The following PPP6C variants were observed in gnomAD, a reference collection of about 807,000 sequenced individuals.
The protein encoded by PPP6C is protein phosphatase 6 catalytic subunit.
PPP6C carries 11 observed loss-of-function variants against 39.8 expected under a neutral mutation model. The ratio of observed to expected loss-of-function variants is 0.28; its 90% CI spans 0.17 to 0.46. The LOEUF (loss-of-function observed/expected upper bound fraction) is 0.46, where lower values mean the gene tolerates loss of function less well. Among genes scored for constraint, PPP6C ranks in the 20% least tolerant of loss-of-function variants. The pLI, the probability that PPP6C is intolerant of heterozygous loss-of-function variation, is 1.00. For synonymous variants in PPP6C, 129 were observed against 130.3 expected (o/e 0.99, Z 0.07); for missense variants, 211 against 373.9 (o/e 0.56, Z 3.59).
chr9:125,185,596 A>C (rs1829510321), intron 1 of PPP6C, among the ~76,000 whole-genome samples: 1 of 151,244 alleles, frequency 6.6e-6, no homozygotes, highest in South Asian at 2.1e-4. Flanking sequence ...CAGGAGGCTG[A>C]GGCAGGAGAA....
rs368232084 is a variant in PPP6C, at chr9:125,149,542, T to TAA, written c.*129_*130dup. On this transcript the variant is annotated 3_prime_UTR_variant, in exon 7 of 7. Coordinates refer to ENST00000373547, the MANE Select transcript of PPP6C (RefSeq NM_002721.5). ...CAATAAATTTAGATAATTTAAAATT[T>TAA]AAAAAAAAAAAGGCAAGAGGCAGCA... 55 of 902,074 alleles carry TAA rather than the reference T, an allele frequency of 6.1e-5. No homozygotes were observed. Among genetic ancestry groups the TAA allele is most frequent in the African/African-American group, 2.3e-4 (13 of 56,222 alleles). 55.9% of individuals were successfully genotyped at this position (902,074 alleles called of 1,614,324 possible).
intron 1 of PPP6C, among the ~76,000 whole-genome samples, chr9:125,182,777 C>T (rs1309922846): frequency 6.7e-6 from 1 of 148,702 alleles, no homozygotes; most frequent in Non-Finnish European, 1.5e-5. Context: ...AACTTCCCAC[C>T]CCTCCCCTGA....
intron 4 of PPP6C, among the ~76,000 whole-genome samples, chr9:125,155,912 A>T (rs547590598): frequency 0.011 from 1,686 of 151,710 alleles, 32 homozygotes; most frequent in African/African-American, 0.037. Context: ...CTCAAAAAAA[A>T]AAAAAAAAAA....
chr9:125,164,508 G>T (rs151089412), intron 2 of PPP6C, among the ~76,000 whole-genome samples: 2,302 of 151,978 alleles, frequency 0.015, 109 homozygotes, highest in Admixed American at 0.083. Context: ...GATTACAGGC[G>T]TGAGCCACTG....
rs988614956 is a variant in PPP6C, at chr9:125,148,441, T to C, written c.*1232A>G. The C allele has an allele frequency of 1.3e-5, 2 of 152,164 alleles. No homozygotes were observed. Among genetic ancestry groups the C allele is most frequent in the African/African-American group, 4.8e-5 (2 of 41,444 alleles). 9.4% of individuals were successfully genotyped at this position (152,164 alleles called of 1,614,324 possible). On this transcript the variant is annotated 3_prime_UTR_variant, in exon 7 of 7. Transcript: ENST00000373547. ...ATTCAGAACTGATCATCACAACCCT[T>C]TGGATATTCAAATTACTTACACAAA... is the stretch of plus-strand genomic sequence containing the variant.
chr9:125,160,133 T>C (rs1157439677), intron 3 of PPP6C, among the ~76,000 whole-genome samples: 1 of 152,170 alleles, frequency 6.6e-6, no homozygotes, highest in Non-Finnish European at 1.5e-5. Flanking sequence ...CAAACATCTA[T>C]AGCAAATGTG....
chr9:125,159,042 T>TG (rs1588277184), intron 3 of PPP6C, among the ~76,000 whole-genome samples: 1 of 149,280 alleles, frequency 6.7e-6, no homozygotes, highest in South Asian at 2.1e-4. Flanking sequence ...TTAAGTTTTT[T>TG]TTTTTTTTTT....
intron 6 of PPP6C, among the ~76,000 whole-genome samples, chr9:125,152,791 T>C (rs1835981630): frequency 1.3e-5 from 2 of 151,012 alleles, no homozygotes; most frequent in African/African-American, 2.4e-5. Flanking sequence ...GATTGCACCA[T>C]TGTACTCCAG....
chr9:125,176,042 T>C (rs1236301350), intron 1 of PPP6C, among the ~76,000 whole-genome samples: 1 of 152,116 alleles, frequency 6.6e-6, no homozygotes, highest in Non-Finnish European at 1.5e-5. Flanking sequence ...GCTGTTATTT[T>C]AAACAGGGAG....
chr9:125,149,817 A>G lies in PPP6C; in HGVS notation c.774T>C (p.Ala258=). The G allele has an allele frequency of 6.2e-7, 1 of 1,614,218 alleles. No individual in the cohort carries two copies. The highest frequency in any genetic ancestry group is 8.5e-7 in the Non-Finnish European group (1 of 1,180,024). ...FDEKLVTVWS[A]PNYCYRCGNI... Reference sequence around the variant, plus strand: ...TTCCACAACGATAGCAGTAATTAGGAGCAGACCATACTGTCACCAGCTTCT... The same window carrying G: ...TTCCACAACGATAGCAGTAATTAGGGGCAGACCATACTGTCACCAGCTTCT... Residue 258 remains alanine, a synonymous_variant, in exon 7 of 7, where the codon GCT becomes GCC. Coordinates refer to ENST00000373547, the MANE Select transcript of PPP6C (RefSeq NM_002721.5).
chr9:125,187,368 C>G (rs932968001), intron 1 of PPP6C, among the ~76,000 whole-genome samples: 4 of 151,552 alleles, frequency 2.6e-5, no homozygotes, highest in Non-Finnish European at 4.4e-5. Context: ...AAGCAATTCT[C>G]CCGGGTTCAA....
rs747378068 is a variant in PPP6C, at chr9:125,173,299, C to CT, written c.76-2120dup. ...GGTGGCAGGTGCCTGTAATCCTCAGCTGAGGCTGAGGCAGGAGAATCACTT... is the reference window on the plus strand; with the variant it reads ...GGTGGCAGGTGCCTGTAATCCTCAGCTTGAGGCTGAGGCAGGAGAATCACTT... On this transcript the variant is annotated intron_variant, in intron 1 of 6. Coordinates refer to ENST00000373547, the MANE Select transcript of PPP6C (RefSeq NM_002721.5). Among the ~76,000 whole-genome samples, 20 of 149,756 alleles carry CT rather than the reference C, an allele frequency of 1.3e-4. No homozygotes were observed. In the East Asian group the frequency reaches 4.0e-3, roughly 30 times the overall value.
chr9:125,157,927 G>C (rs536735853), intron 4 of PPP6C, among the ~76,000 whole-genome samples: 1 of 152,096 alleles, frequency 6.6e-6, no homozygotes, highest in East Asian at 1.9e-4. Context: ...CTGATCTTGT[G>C]ATCCGCCTGC....
intron 1 of PPP6C, among the ~76,000 whole-genome samples, chr9:125,175,749 T>C (rs1829284792): frequency 6.6e-6 from 1 of 152,064 alleles, no homozygotes; most frequent in African/African-American, 2.4e-5. Flanking sequence ...CCAAGTTTCC[T>C]ACCACTTTCC....
intron 1 of PPP6C, among the ~76,000 whole-genome samples, chr9:125,174,933 G>A (rs1447435134): frequency 1.3e-5 from 2 of 150,432 alleles, no homozygotes; most frequent in African/African-American, 2.4e-5. Context: ...AACAGGCCAG[G>A]TGTGTGGCTC....
At chr9:125,171,911 T>C (rs983838802) in intron 1 of PPP6C, 16 of 465,336 alleles carry the variant, frequency 3.4e-5, no homozygotes, top group Admixed American at 9.4e-5. Context: ...ACACTTACCA[T>C]TTGACCCAGC....
At position 125,171,476 on chromosome 9, in the gene PPP6C, CACATATATATATATATATAT is replaced by C. The variant is rs1354128982; in HGVS notation, c.76-316_76-297del. Reference sequence around the variant, plus strand: ...ACACACATATACACACACACACACACACATATATATATATATATATATATATATATATATATATATGAAGA... The same window carrying C: ...ACACACATATACACACACACACACACATATATATATATATATATATGAAGA... On this transcript the variant is annotated intron_variant, in intron 1 of 6. Transcript: ENST00000373547. Among the ~76,000 whole-genome samples the C allele has an allele frequency of 2.1e-4, 12 of 57,182 alleles. 1 individual carries two copies. Among genetic ancestry groups the C allele is most frequent in the Admixed American group, 9.9e-4 (5 of 5,076 alleles). 37.5% of individuals were successfully genotyped at this position (57,182 alleles called of 152,430 possible).
At chr9:125,188,475 G>A (rs1227311043) in intron 1 of PPP6C, among the ~76,000 whole-genome samples, 1 of 151,682 alleles carries the variant, frequency 6.6e-6, no homozygotes, top group Non-Finnish European at 1.5e-5. Context: ...CAAATGCATA[G>A]AAACACTTTT....
intron 6 of PPP6C, chr9:125,151,128 G>A (rs1835929282): frequency 7.2e-7 from 1 of 1,383,456 alleles, no homozygotes; most frequent in Admixed American, 1.7e-5. Context: ...TCTCTGAGCA[G>A]AAGAACTGCA....
Sources: gnomAD v4.1 joint callset for allele counts (sites outside exome capture counted in the v4.1 genomes callset) on GRCh38, gnomAD v4.1.1 for gene constraint, MANE v1.5 for transcripts, NCBI Gene and HGNC (gene_info 2026-07-23, HGNC 2026-07-21) for gene names.